Variants in STK33 observed in about 807,000 individuals in gnomAD.
The protein encoded by STK33 is serine/threonine kinase 33.
STK33 carries 52 observed loss-of-function variants against 58.0 expected under a neutral mutation model. The ratio of observed to expected loss-of-function variants is 0.90; its 90% CI spans 0.72 to 1.13. The LOEUF is 1.13. Ranked by LOEUF, STK33 falls within the 50% of genes most tolerant of loss-of-function variation. STK33 has a pLI of 0.00. For synonymous variants in STK33, 215 were observed against 200.1 expected (o/e 1.07, Z -0.63); for missense variants, 630 against 604.2 (o/e 1.04, Z -0.45).
At chr11:8,411,231 T>C (rs1174720143) in intron 15 of STK33, among the ~76,000 whole-genome samples, 2 of 152,176 alleles carry the variant, frequency 1.3e-5, no homozygotes, top group African/African-American at 2.4e-5. Flanking sequence ...AAGATATACA[T>C]GAGAGAACAT....
In STK33 at chr11:8,436,043, A is replaced by G. The variant is rs1944024131; in HGVS notation, c.1044T>C (p.Asn348=). The G allele has an allele frequency of 5.0e-6, 8 of 1,585,188 alleles. No homozygotes were observed. Among genetic ancestry groups the G allele is most frequent in the Non-Finnish European group, 6.9e-6 (8 of 1,166,372 alleles). Residue 348 remains asparagine, a synonymous_variant, in exon 13 of 16, where the codon AAT becomes AAC. Transcript: ENST00000687296. ...GELHFENAVW[N]SISDCAKSVL... ...TATACTTACCACAGTCACTTATGGA[A>G]TTCCAGACTGCATTTTCAAAATGTA...
the STK33 span, among the ~76,000 whole-genome samples, chr11:8,336,297 G>A: frequency 7.2e-5 from 11 of 152,380 alleles, no homozygotes; most frequent in East Asian, 2.1e-3. Flanking sequence ...GTGGGCTGGG[G>A]GTTAGAGTTC....
chr11:8,489,265 A>G (rs1312724338), intron 1 of STK33, among the ~76,000 whole-genome samples: 1 of 92,508 alleles, frequency 1.1e-5, no homozygotes, highest in Admixed American at 1.1e-4. Flanking sequence ...TCCAAAAAAA[A>G]AAAAAAGAAA....
downstream of STK33, among the ~76,000 whole-genome samples, chr11:8,391,485 G>C (rs548112977): frequency 6.6e-6 from 1 of 152,282 alleles, no homozygotes; most frequent in East Asian, 1.9e-4. Flanking sequence ...GTTACCAAGT[G>C]GATTTAAATG....
intron 1 of STK33, among the ~76,000 whole-genome samples, chr11:8,494,671 C>G (rs1209686435): frequency 6.6e-6 from 1 of 152,188 alleles, no homozygotes; most frequent in Non-Finnish European, 1.5e-5. Flanking sequence ...AAGCTGGAGG[C>G]ATCACACTAC....
the STK33 span, among the ~76,000 whole-genome samples, chr11:8,354,516 A>ACACACACACC: frequency 9.4e-5 from 12 of 127,658 alleles, no homozygotes; most frequent in Non-Finnish European, 1.8e-4. Flanking sequence ...ACACACACAC[A>ACACACACACC]CCCCTCAGAC....
chr11:8,512,142 G>A (rs1252424742), intron 1 of STK33, among the ~76,000 whole-genome samples: 2 of 152,100 alleles, frequency 1.3e-5, no homozygotes, highest in African/African-American at 4.8e-5. Flanking sequence ...TTTCTGTTGG[G>A]TCAATAATCT....
chr11:8,453,677 C>T (rs1017123193), intron 10 of STK33, among the ~76,000 whole-genome samples: 3 of 152,152 alleles, frequency 2.0e-5, no homozygotes, highest in Admixed American at 2.0e-4. Flanking sequence ...AGACTGAAGG[C>T]AGAAAAACAG....
the STK33 span, among the ~76,000 whole-genome samples, chr11:8,336,899 G>A: frequency 2.6e-5 from 4 of 152,226 alleles, no homozygotes; most frequent in Non-Finnish European, 5.9e-5. Flanking sequence ...ACTAAGCCCC[G>A]AGGCCGGTAA....
At chr11:8,538,371 C>T (rs942531544) in intron 1 of STK33, among the ~76,000 whole-genome samples, 1 of 152,154 alleles carries the variant, frequency 6.6e-6, no homozygotes, top group African/African-American at 2.4e-5. Context: ...CCTGCAGTCA[C>T]ACAACTAGTA....
chr11:8,495,102 A>C (rs1950953498), intron 1 of STK33, among the ~76,000 whole-genome samples: 1 of 152,230 alleles, frequency 6.6e-6, no homozygotes, highest in African/African-American at 2.4e-5. Context: ...AATGGGATCT[A>C]ATTAAACTGA....
chr11:8,352,153 G>A, the STK33 span, among the ~76,000 whole-genome samples: 1 of 152,196 alleles, frequency 6.6e-6, no homozygotes, highest in Non-Finnish European at 1.5e-5. Flanking sequence ...GCCAGGCAGT[G>A]GTTTGGGGGA....
intron 7 of STK33, 53 bp from the exon 8 acceptor site, chr11:8,461,962 C>T: frequency 7.4e-7 from 1 of 1,356,202 alleles, no homozygotes; most frequent in East Asian, 2.6e-5. Flanking sequence ...CTCCTACATT[C>T]CTTGATAGAA....
intron 14 of STK33, among the ~76,000 whole-genome samples, chr11:8,418,758 A>G (rs1941490465): frequency 6.6e-6 from 1 of 151,960 alleles, no homozygotes. Context: ...AGCATTTGTT[A>G]TTTTTTTACT....
intron 13 of STK33, 60 bp downstream of exon 13, chr11:8,435,967 G>A (rs1944011329): frequency 2.0e-6 from 2 of 1,018,248 alleles, no homozygotes; most frequent in African/African-American, 1.7e-5. Flanking sequence ...TTTAACCACA[G>A]GCCAACTTTC....
chr11:8,525,263 T>C (rs1225061842), intron 1 of STK33, among the ~76,000 whole-genome samples: 2 of 152,196 alleles, frequency 1.3e-5, no homozygotes, highest in Admixed American at 1.3e-4. Context: ...ACAAGCTAAT[T>C]ACAAAATGTA....
At chr11:8,464,605 C>T in intron 7 of STK33, 104 bp downstream of exon 7, 2 of 727,152 alleles carry the variant, frequency 2.8e-6, no homozygotes, top group Non-Finnish European at 4.6e-6. Context: ...AGGCCTGGGA[C>T]CTCAGGGTGA....
chr11:8,340,254 TA>T, the STK33 span, among the ~76,000 whole-genome samples: 1 of 152,232 alleles, frequency 6.6e-6, no homozygotes, highest in Non-Finnish European at 1.5e-5. Context: ...TTCTTCCTTC[TA>T]TGTCTAGTAC....
At chr11:8,445,792 T>C (rs985786290) in intron 11 of STK33, among the ~76,000 whole-genome samples, 5 of 152,220 alleles carry the variant, frequency 3.3e-5, no homozygotes, top group South Asian at 2.1e-4. Flanking sequence ...CAGTATTTTA[T>C]TGAGGATTTT....
Sources: gnomAD v4.1 joint callset for allele counts (sites outside exome capture counted in the v4.1 genomes callset) on GRCh38, gnomAD v4.1.1 for gene constraint, MANE v1.5 for transcripts, NCBI Gene and HGNC (gene_info 2026-07-23, HGNC 2026-07-21) for gene names.